DBT: variants seen among roughly 807,000 people sequenced by gnomAD.
The protein encoded by DBT is dihydrolipoamide branched chain transacylase E2.
DBT carries 40 observed loss-of-function variants against 51.3 expected under a neutral mutation model. The ratio of observed to expected loss-of-function variants is 0.78; its 90% CI spans 0.61 to 1.02. The LOEUF is 1.02. Ranked by LOEUF, DBT falls within the 50% of genes least tolerant of loss-of-function variation. The pLI is 0.00. For synonymous variants in DBT, 181 were observed against 190.4 expected, an observed-to-expected ratio of 0.95 and a Z score of 0.41; for missense variants, 510 against 580.2, an observed-to-expected ratio of 0.88 and a Z score of 1.24.
At chr1:100,243,772 T>C (rs1664370223) in intron 1 of DBT, among the ~76,000 whole-genome samples, 1 of 152,074 alleles carries the variant, frequency 6.6e-6, no homozygotes, top group Non-Finnish European at 1.5e-5. Flanking sequence ...CTAAATAAAT[T>C]TGATGTCAAA....
At chr1:100,235,908 C>G (rs1663834533) in intron 2 of DBT, among the ~76,000 whole-genome samples, 2 of 152,150 alleles carry the variant, frequency 1.3e-5, no homozygotes, top group Admixed American at 1.3e-4. Context: ...ATAACATGAA[C>G]AGATTTCTTT....
intron 1 of DBT, among the ~76,000 whole-genome samples, chr1:100,243,298 C>T (rs990376264): frequency 6.6e-6 from 1 of 151,064 alleles, no homozygotes; most frequent in Non-Finnish European, 1.5e-5. Context: ...AGAAAAATAG[C>T]CTTTTTAGAC....
intron 4 of DBT, among the ~76,000 whole-genome samples, chr1:100,223,130 A>G (rs1301239081): frequency 6.6e-6 from 1 of 152,196 alleles, no homozygotes; most frequent in African/African-American, 2.4e-5. Context: ...TCTTTGCATA[A>G]TCAAAAAAGC....
chr1:100,249,442 G>A (rs533612199), intron 1 of DBT: 1 of 466,818 alleles, frequency 2.1e-6, no homozygotes, highest in African/African-American at 2.0e-5. Flanking sequence ...AATGCTAAAC[G>A]AATATATCTC....
At chr1:100,235,578 C>A in intron 2 of DBT, 67 bp from the exon 3 acceptor site, 1 of 848,064 alleles carries the variant, frequency 1.2e-6, no homozygotes. Context: ...ACTTTCACAT[C>A]TAAAATTAGA....
rs936095144 is a variant in DBT, at chr1:100,189,662, T to C, written c.*6593A>G. 1.3e-5 allele frequency: 2 copies of C among 152,138 alleles called. No individual in the cohort carries two copies. Among genetic ancestry groups the C allele is most frequent in the Admixed American group, 6.6e-5 (1 of 15,252 alleles). 9.4% of individuals were successfully genotyped at this position (152,138 alleles called of 1,614,324 possible). On this transcript the variant is annotated 3_prime_UTR_variant, in exon 11 of 11. Transcript: ENST00000370132. ...GTTAAAGATCACCCATTCAAGAAGT[T>C]TGGCAGAAGGAGCAAGACAGGAAAT...
At chr1:100,243,994 C>T (rs1346234271) in intron 1 of DBT, among the ~76,000 whole-genome samples, 5 of 141,754 alleles carry the variant, frequency 3.5e-5, no homozygotes, top group Non-Finnish European at 6.0e-5. Flanking sequence ...TTAAGCAGGC[C>T]GGGCACAGTG....
intron 1 of DBT, among the ~76,000 whole-genome samples, chr1:100,247,009 C>T (rs1007994301): frequency 7.2e-5 from 11 of 151,884 alleles, no homozygotes; most frequent in Admixed American, 1.3e-4. Flanking sequence ...AGACAGAAAG[C>T]ACAGTGTGTG....
chr1:100,205,081 G>A (rs1661682981), intron 10 of DBT, among the ~76,000 whole-genome samples: 1 of 152,172 alleles, frequency 6.6e-6, no homozygotes, highest in African/African-American at 2.4e-5. Context: ...AAAAGCAATT[G>A]CAACAAAGCC....
rs1662082477 is a variant in DBT, at chr1:100,210,681, C to T, written c.1017+13G>A. On this transcript the variant is annotated intron_variant, in intron 8 of 10. Transcript: ENST00000370132. ...TATTAATAATAAGAACATTTTTACTCTGCATAGCCAACCTTATATGTTATA... is the reference window on the plus strand; with the variant it reads ...TATTAATAATAAGAACATTTTTACTTTGCATAGCCAACCTTATATGTTATA... The T allele has an allele frequency of 6.2e-7, 1 of 1,613,044 alleles. No homozygotes were observed. Among genetic ancestry groups the T allele is most frequent in the East Asian group, 2.2e-5 (1 of 44,790 alleles).
At chr1:100,210,320 A>C (rs1662055203) in intron 8 of DBT, among the ~76,000 whole-genome samples, 1 of 59,350 alleles carries the variant, frequency 1.7e-5, no homozygotes, top group African/African-American at 3.3e-5. Context: ...TAATAATAAT[A>C]ATAATAAGAA....
In DBT at chr1:100,196,068, C is replaced by A; in HGVS notation, c.*187G>T. The A allele has an allele frequency of 3.1e-6, 2 of 639,082 alleles. No homozygotes were observed. The highest frequency in any genetic ancestry group is 5.5e-6 in the Non-Finnish European group (2 of 362,790). 39.6% of individuals were successfully genotyped at this position (639,082 alleles called of 1,614,324 possible). On this transcript the variant is annotated 3_prime_UTR_variant, in exon 11 of 11. Coordinates refer to ENST00000370132, the MANE Select transcript of DBT (RefSeq NM_001918.5). ...ATAAAATGTGACAGCCCCAGGAGAA[C>A]CATTACACCATTATTCATTTTCAGT...
intron 3 of DBT, among the ~76,000 whole-genome samples, chr1:100,234,004 G>A (rs1240055141): frequency 1.3e-5 from 2 of 152,188 alleles, no homozygotes; most frequent in Non-Finnish European, 2.9e-5. Flanking sequence ...ATCACGGCTA[G>A]CAGATATTTA....
intron 1 of DBT, among the ~76,000 whole-genome samples, chr1:100,248,367 T>G (rs1664680356): frequency 1.3e-5 from 2 of 152,226 alleles, no homozygotes; most frequent in South Asian, 4.1e-4. Context: ...GGATACTTAA[T>G]TTCCTATTTA....
At chr1:100,197,282 TAA>T (rs1161041109) in intron 10 of DBT, among the ~76,000 whole-genome samples, 1 of 152,220 alleles carries the variant, frequency 6.6e-6, no homozygotes, top group East Asian at 1.9e-4. Context: ...AGCATCTGTG[TAA>T]AGCCATGTAG....
intron 10 of DBT, among the ~76,000 whole-genome samples, chr1:100,204,060 C>G (rs577585666): frequency 5.9e-5 from 9 of 152,340 alleles, no homozygotes; most frequent in South Asian, 2.1e-4. Context: ...GATGCCCTCT[C>G]TCTCACCACT....
intron 10 of DBT, among the ~76,000 whole-genome samples, chr1:100,205,892 G>A (rs916449360): frequency 2.0e-5 from 3 of 152,080 alleles, no homozygotes; most frequent in African/African-American, 7.2e-5. Flanking sequence ...CACATGGACA[G>A]AGGGTGGGGA....
intron 4 of DBT, among the ~76,000 whole-genome samples, chr1:100,223,474 C>T (rs752972904): frequency 2.0e-5 from 3 of 152,030 alleles, no homozygotes; most frequent in East Asian, 1.9e-4. Flanking sequence ...TTTGTGTGTG[C>T]GTGTTTTTAA....
intron 4 of DBT, among the ~76,000 whole-genome samples, chr1:100,220,254 A>G (rs956297725): frequency 7.3e-6 from 1 of 136,158 alleles, no homozygotes; most frequent in Non-Finnish European, 1.6e-5. Context: ...GGCTACTAGC[A>G]TATATTTCTG....
Sources: allele counts gnomAD v4.1 joint callset (sites outside exome capture counted in the v4.1 genomes callset), GRCh38; gene constraint gnomAD v4.1.1; transcripts MANE v1.5; gene names NCBI Gene and HGNC (gene_info 2026-07-23, HGNC 2026-07-21).